The following PRKG1 variants were observed in gnomAD, a reference collection of about 807,000 sequenced individuals.
The protein encoded by PRKG1 is protein kinase cGMP-dependent 1.
In PRKG1, 35 loss-of-function variants were observed where a neutral mutation model predicts 88.1. The ratio of observed to expected loss-of-function variants is 0.40; its 90% CI spans 0.30 to 0.53. The LOEUF is 0.53. PRKG1 is among the 20% of genes least tolerant of loss of function. PRKG1 has a pLI of 0.59. For synonymous variants in PRKG1, 303 were observed against 292.5 expected (o/e 1.04, Z -0.37); for missense variants, 540 against 839.8 (o/e 0.64, Z 4.41).
At chr10:51,433,512 AC>A (rs1260869978) in intron 2 of PRKG1, among the ~76,000 whole-genome samples, 1 of 152,112 alleles carries the variant, frequency 6.6e-6, no homozygotes, top group Admixed American at 6.6e-5. Flanking sequence ...AAATAAAACC[AC>A]ATGAAAGGAA....
chr10:52,215,991 CAT>C (rs747021996), intron 9 of PRKG1, among the ~76,000 whole-genome samples: 3 of 152,112 alleles, frequency 2.0e-5, no homozygotes, highest in Non-Finnish European at 4.4e-5. Flanking sequence ...GTTCAAGAAA[CAT>C]AAAGTGGCTA....
rs924143643 is a variant in PRKG1, at chr10:51,068,100, C to T, written c.266+76456C>T. ...TTCTACCCTTGTTTCAAGAATAATA[C>T]GTGGCAATATCTTGGCCCTGGAATG... is the stretch of plus-strand genomic sequence containing the variant. On this transcript the variant is annotated intron_variant, in intron 1 of 17. Coordinates refer to the PRKG1 transcript ENST00000401604. Among the ~76,000 whole-genome samples the T allele has an allele frequency of 3.9e-5, 6 of 152,030 alleles. No homozygotes were observed. In the South Asian group the frequency reaches 6.2e-4, roughly 16 times the overall value.
At chr10:51,001,885 G>T (rs1319642661) in intron 1 of PRKG1, among the ~76,000 whole-genome samples, 2 of 152,114 alleles carry the variant, frequency 1.3e-5, no homozygotes, top group Non-Finnish European at 2.9e-5. Flanking sequence ...AAAATATATT[G>T]TCAAATATAT....
At chr10:52,199,589 C>T (rs1355366712) in intron 9 of PRKG1, among the ~76,000 whole-genome samples, 2 of 152,128 alleles carry the variant, frequency 1.3e-5, no homozygotes, top group African/African-American at 2.4e-5. Flanking sequence ...CTAACGCTTC[C>T]ATAAATAAGA....
intron 5 of PRKG1, among the ~76,000 whole-genome samples, chr10:52,031,155 A>G (rs1417396467): frequency 6.6e-6 from 1 of 152,214 alleles, no homozygotes; most frequent in Non-Finnish European, 1.5e-5. Flanking sequence ...GACCACTGGG[A>G]AGATTTATTC....
At chr10:51,688,113 T>G (rs1841041351) in intron 3 of PRKG1, among the ~76,000 whole-genome samples, 1 of 152,160 alleles carries the variant, frequency 6.6e-6, no homozygotes, top group African/African-American at 2.4e-5. Context: ...TTTATGGTGC[T>G]TTTATTTGTT....
intron 2 of PRKG1, among the ~76,000 whole-genome samples, chr10:51,302,064 T>C (rs1385159425): frequency 6.6e-6 from 1 of 152,166 alleles, no homozygotes; most frequent in African/African-American, 2.4e-5. Context: ...GGAACCACAG[T>C]GTTAGCTATG....
Position 51,628,965 on chromosome 10 carries a change from CAA to C in PRKG1, c.592+161142_592+161143del, listed in dbSNP as rs199634329. On this transcript the variant is annotated intron_variant, in intron 3 of 17. Transcript: ENST00000373980. Reference sequence around the variant, plus strand: ...TGGGCGACAGAGCGAGACTCCGTCTCAAAAAAAAAAAAAACAAAAACAAAAAC... The same window carrying C: ...TGGGCGACAGAGCGAGACTCCGTCTCAAAAAAAAAAAACAAAAACAAAAAC... 9.9e-4 allele frequency among the ~76,000 whole-genome samples: 97 copies of C among 98,470 alleles called. 1 individual carries two copies. The South Asian group carries it at 0.037, about 38-fold the overall frequency. The allele number at this position is 98,470 out of a possible 152,430, so 64.6% of individuals were successfully genotyped here.
chr10:51,508,239 A>T (rs900972630), intron 3 of PRKG1, among the ~76,000 whole-genome samples: 1 of 152,208 alleles, frequency 6.6e-6, no homozygotes, highest in Non-Finnish European at 1.5e-5. Flanking sequence ...GTCAGTATAA[A>T]TGTATCACAA....
chr10:51,424,189 A>T (rs1588944736), intron 2 of PRKG1, among the ~76,000 whole-genome samples: 1 of 152,130 alleles, frequency 6.6e-6, no homozygotes, highest in East Asian at 1.9e-4. Context: ...ACTGTTATCC[A>T]GGGGTCACAT....
At chr10:51,703,650 T>C (rs12242502) in intron 3 of PRKG1, among the ~76,000 whole-genome samples, 10,923 of 152,164 alleles carry the variant, frequency 0.072, 431 homozygotes, top group East Asian at 0.085. Context: ...GTGAAAACAA[T>C]AGTCTGCCAG....
At chr10:51,642,431 T>A (rs1393249847) in intron 3 of PRKG1, among the ~76,000 whole-genome samples, 2 of 152,072 alleles carry the variant, frequency 1.3e-5, no homozygotes, top group African/African-American at 2.4e-5. Flanking sequence ...CTTATTTAAG[T>A]ATTACCCCCC....
intron 2 of PRKG1, among the ~76,000 whole-genome samples, chr10:51,207,859 A>C: frequency 6.6e-6 from 1 of 152,126 alleles, no homozygotes; most frequent in South Asian, 2.1e-4. Flanking sequence ...GTCAGAAGTA[A>C]TTTCTCTCTT....
intron 5 of PRKG1, among the ~76,000 whole-genome samples, chr10:51,912,986 T>A (rs1842254334): frequency 6.6e-6 from 1 of 152,348 alleles, no homozygotes; most frequent in East Asian, 1.9e-4. Context: ...TGGAGTGTAG[T>A]GGTGCGATCT....
At chr10:51,529,518 C>T (rs930383204) in intron 3 of PRKG1, among the ~76,000 whole-genome samples, 1 of 152,152 alleles carries the variant, frequency 6.6e-6, no homozygotes, top group African/African-American at 2.4e-5. Context: ...GCCAGACTCC[C>T]CATCTTTCCA....
intron 3 of PRKG1, among the ~76,000 whole-genome samples, chr10:51,608,140 T>C (rs1302041892): frequency 6.6e-6 from 1 of 152,204 alleles, no homozygotes; most frequent in Non-Finnish European, 1.5e-5. Context: ...AATACAGTCA[T>C]GTGCTGCGTA....
At chr10:51,211,683 G>A (rs1327834946) in intron 2 of PRKG1, among the ~76,000 whole-genome samples, 2 of 152,258 alleles carry the variant, frequency 1.3e-5, no homozygotes, top group African/African-American at 2.4e-5. Flanking sequence ...CAGACAAACA[G>A]AGAGCCAAAT....
At chr10:52,253,110 C>T (rs1329711012) in intron 10 of PRKG1, among the ~76,000 whole-genome samples, 1 of 151,964 alleles carries the variant, frequency 6.6e-6, no homozygotes. Flanking sequence ...ATTTCTAAAA[C>T]AGTCTCCAAA....
intron 4 of PRKG1, among the ~76,000 whole-genome samples, chr10:51,853,421 C>T (rs1030853550): frequency 1.3e-5 from 2 of 151,988 alleles, no homozygotes; most frequent in East Asian, 1.9e-4. Context: ...TTTGCATAAA[C>T]GAAAACACCT....
Sources: allele counts gnomAD v4.1 joint callset (sites outside exome capture counted in the v4.1 genomes callset), GRCh38; gene constraint gnomAD v4.1.1; transcripts MANE v1.5; gene names NCBI Gene and HGNC (gene_info 2026-07-23, HGNC 2026-07-21).